Variants in FTO observed in about 807,000 individuals in gnomAD.
FTO encodes the protein alpha-ketoglutarate-dependent dioxygenase FTO.
In FTO, 47 loss-of-function variants were observed where a neutral mutation model predicts 63.9. The ratio of observed to expected loss-of-function variants is 0.74; its 90% CI spans 0.58 to 0.94. FTO has a LOEUF of 0.94. FTO is among the 40% of genes least tolerant of loss of function. FTO has a pLI of 0.00. For missense variants in FTO, 562 were observed against 618.1 expected (o/e 0.91, Z 0.96); for synonymous variants, 207 against 224.4 (o/e 0.92, Z 0.69).
intron 4 of FTO, among the ~76,000 whole-genome samples, chr16:53,873,043 C>T (rs1029731552): frequency 2.0e-5 from 3 of 152,172 alleles, no homozygotes; most frequent in African/African-American, 4.8e-5. Flanking sequence ...TGAATCCCTA[C>T]ACTTGAGTTC....
chr16:53,814,222 G>A (rs916706326), intron 2 of FTO, among the ~76,000 whole-genome samples: 1 of 152,146 alleles, frequency 6.6e-6, no homozygotes, highest in African/African-American at 2.4e-5. Flanking sequence ...AAAGCAGAGA[G>A]AACTTCTGTT....
chr16:53,883,629 A>AAC (rs1567396472), intron 6 of FTO, among the ~76,000 whole-genome samples: 5 of 147,086 alleles, frequency 3.4e-5, no homozygotes, highest in African/African-American at 1.3e-4. Context: ...TCTCAAAAAA[A>AAC]AAAAAACAAA....
chr16:53,925,395 G>A (rs559891102), intron 7 of FTO, among the ~76,000 whole-genome samples: 30 of 152,272 alleles, frequency 2.0e-4, no homozygotes, highest in African/African-American at 7.2e-4. Flanking sequence ...GGTAGATGGG[G>A]AGGTCAGAAA....
At chr16:53,716,090 C>T (rs1284281566) in intron 1 of FTO, among the ~76,000 whole-genome samples, 1 of 152,178 alleles carries the variant, frequency 6.6e-6, no homozygotes. Flanking sequence ...ATAGTAAAAT[C>T]AGCCTCATTG....
At chr16:54,027,318 G>A (rs78773996) in intron 8 of FTO, among the ~76,000 whole-genome samples, 1 of 152,134 alleles carries the variant, frequency 6.6e-6, no homozygotes, top group Non-Finnish European at 1.5e-5. Context: ...GGAATGATAG[G>A]TTTAGGTTCA....
intron 8 of FTO, chr16:54,054,455 C>G (rs1380627075): frequency 6.6e-6 from 1 of 152,226 alleles, no homozygotes; most frequent in East Asian, 1.9e-4. Context: ...TAGAGCCAAG[C>G]TGATGGAATT....
chr16:53,950,116 A>G (rs1282908606), intron 8 of FTO, among the ~76,000 whole-genome samples: 2 of 133,156 alleles, frequency 1.5e-5, no homozygotes, highest in African/African-American at 2.8e-5. Flanking sequence ...TATGAGGTTT[A>G]GAGGCATTTG....
At chr16:53,712,639 C>A (rs959453996) in intron 1 of FTO, among the ~76,000 whole-genome samples, 2 of 152,140 alleles carry the variant, frequency 1.3e-5, no homozygotes, top group Non-Finnish European at 1.5e-5. Context: ...ACTAAATTAG[C>A]CATTCAAAAA....
chr16:53,898,384 A>AGTT (rs1372407647), intron 7 of FTO, among the ~76,000 whole-genome samples: 1 of 152,024 alleles, frequency 6.6e-6, no homozygotes, highest in African/African-American at 2.4e-5. Context: ...TCTTGGAGAG[A>AGTT]GTTGCTCTGA....
At chr16:54,088,243 C>T (rs754201215) in intron 8 of FTO, among the ~76,000 whole-genome samples, 1 of 152,168 alleles carries the variant, frequency 6.6e-6, no homozygotes, top group Non-Finnish European at 1.5e-5. Context: ...AATCAATACC[C>T]ACATTGCGTT....
At chr16:53,865,459 C>T (rs1469774905) in intron 4 of FTO, among the ~76,000 whole-genome samples, 5 of 152,164 alleles carry the variant, frequency 3.3e-5, no homozygotes, top group Admixed American at 6.5e-5. Context: ...TCATCCTCAC[C>T]TCTAATTGCA....
At chr16:54,093,390 T>C (rs1397549428) in intron 8 of FTO, among the ~76,000 whole-genome samples, 2 of 152,236 alleles carry the variant, frequency 1.3e-5, no homozygotes, top group Non-Finnish European at 2.9e-5. Context: ...GCAGAACTGT[T>C]CTTCCAAAAA....
At chr16:53,863,671 G>T (rs1376412812) in intron 4 of FTO, among the ~76,000 whole-genome samples, 1 of 152,180 alleles carries the variant, frequency 6.6e-6, no homozygotes, top group Admixed American at 6.5e-5. Context: ...TGGCTACAGT[G>T]AGTATCACAG....
At position 54,121,551 on chromosome 16, in the gene FTO, A is replaced by T. The variant is rs2144650478; in HGVS notation, c.*9636A>T. On this transcript the variant is annotated 3_prime_UTR_variant, in exon 9 of 9. Transcript: ENST00000471389. ...TTTCTGGTTCAGATGTCTTGTCTCA[A>T]CAGACGGCAGATTCGCAGGGAAGCA... 1 of 152,370 alleles carries T rather than the reference A, an allele frequency of 6.6e-6. No individual in the cohort carries two copies. The highest frequency in any genetic ancestry group is 6.5e-5 in the Admixed American group (1 of 15,306). 9.4% of individuals were successfully genotyped at this position (152,370 alleles called of 1,614,324 possible).
chr16:53,753,006 G>A lies in FTO; in HGVS notation c.45+48777G>A, dbSNP rs571586325. Among the ~76,000 whole-genome samples, 5 of 151,062 alleles carry A rather than the reference G, an allele frequency of 3.3e-5. No homozygotes were observed. In the South Asian group the frequency reaches 1.0e-3, roughly 32 times the overall value. On this transcript the variant is annotated intron_variant, in intron 1 of 8. Coordinates refer to ENST00000471389, the MANE Select transcript of FTO (RefSeq NM_001080432.3). ...TAGGAATAGGTGGCTCATGCCTGTA[G>A]TTCCAGCACTTTGGGAGGCTGAGGC...
intron 4 of FTO, among the ~76,000 whole-genome samples, chr16:53,856,528 T>A (rs2080001922): frequency 6.6e-6 from 1 of 152,128 alleles, no homozygotes; most frequent in South Asian, 2.1e-4. Flanking sequence ...GGCAGGTGGA[T>A]CACTTGAGGT....
chr16:54,011,664 T>C (rs2084337754), intron 8 of FTO, among the ~76,000 whole-genome samples: 1 of 152,178 alleles, frequency 6.6e-6, no homozygotes, highest in African/African-American at 2.4e-5. Context: ...ATTTTAGTAA[T>C]TCTTGCAATC....
intron 8 of FTO, among the ~76,000 whole-genome samples, chr16:53,960,711 T>TGGG (rs1462432712): frequency 7.2e-6 from 1 of 138,596 alleles, no homozygotes; most frequent in African/African-American, 3.0e-5. Flanking sequence ...TTACCAGAAA[T>TGGG]GGGGGTGGGG....
Position 53,752,139 on chromosome 16 carries a change from A to G in FTO, c.45+47910A>G, listed in dbSNP as rs188141002. On this transcript the variant is annotated intron_variant, in intron 1 of 8. Transcript: ENST00000471389. Reference sequence around the variant, plus strand: ...CAGTAGGGAACAGTTTAAATACATTAAGGGAGATGAAGCTAGTGAAGATGA... The same window carrying G: ...CAGTAGGGAACAGTTTAAATACATTGAGGGAGATGAAGCTAGTGAAGATGA... 2.0e-5 allele frequency among the ~76,000 whole-genome samples: 3 copies of G among 152,360 alleles called. No homozygotes were observed. In the East Asian group the frequency reaches 5.8e-4, roughly 29 times the overall value.
Sources: gnomAD v4.1 joint callset for allele counts (sites outside exome capture counted in the v4.1 genomes callset) on GRCh38, gnomAD v4.1.1 for gene constraint, MANE v1.5 for transcripts, NCBI Gene and HGNC (gene_info 2026-07-23, HGNC 2026-07-21) for gene names.